The following HSD17B4 variants were observed in gnomAD, a reference collection of about 807,000 sequenced individuals.
The protein encoded by HSD17B4 is hydroxysteroid 17-beta dehydrogenase 4, also known as peroxisomal multifunctional enzyme type 2.
HSD17B4 carries 70 observed loss-of-function variants against 101.0 expected under a neutral mutation model. The observed-to-expected ratio is 0.69, with a 90% CI of 0.57 to 0.85. HSD17B4 has a LOEUF of 0.85. Among genes scored for constraint, HSD17B4 ranks in the 40% least tolerant of loss-of-function variants. The probability of loss-of-function intolerance (pLI) is 0.00; values close to 1 mark genes in which losing one functional copy is unlikely to be tolerated. For synonymous variants in HSD17B4, 347 were observed against 297.1 expected (o/e 1.17, Z -1.73); for missense variants, 984 against 892.4 (o/e 1.10, Z -1.31).
intron 17 of HSD17B4, among the ~76,000 whole-genome samples, chr5:119,519,313 C>T (rs10057263): frequency 0.012 from 1,833 of 152,274 alleles, 16 homozygotes; most frequent in African/African-American, 0.022. Context: ...TCCATAGTTT[C>T]CCCAGATACA....
At chr5:119,488,976 T>C (rs542996937) in intron 8 of HSD17B4, among the ~76,000 whole-genome samples, 1 of 152,182 alleles carries the variant, frequency 6.6e-6, no homozygotes, top group Admixed American at 6.6e-5. Flanking sequence ...GAAAGGTGTG[T>C]CTGATACTTA....
intron 2 of HSD17B4, among the ~76,000 whole-genome samples, chr5:119,459,939 C>T (rs1237475999): frequency 2.0e-5 from 3 of 150,026 alleles, no homozygotes; most frequent in Non-Finnish European, 3.0e-5. Flanking sequence ...GGCGCTATCT[C>T]GGCTCACTGC....
chr5:119,479,462 A>T (rs1748911187), intron 8 of HSD17B4, among the ~76,000 whole-genome samples: 1 of 152,196 alleles, frequency 6.6e-6, no homozygotes, highest in African/African-American at 2.4e-5. Flanking sequence ...TTGATGAACC[A>T]GTATGGAGCC....
At chr5:119,530,818 A>G (rs1754007593) in intron 21 of HSD17B4, among the ~76,000 whole-genome samples, 1 of 131,916 alleles carries the variant, frequency 7.6e-6, no homozygotes, top group Non-Finnish European at 1.6e-5. Context: ...GCACTACTGC[A>G]TTCTAGCCTG....
Position 119,525,399 on chromosome 5 carries a change from GTTATT to G in HSD17B4, c.1573+121_1573+125del, listed in dbSNP as rs1331620535. 12 of 730,416 alleles carry G rather than the reference GTTATT, an allele frequency of 1.6e-5. 1 individual carries two copies. The highest frequency in any genetic ancestry group is 1.5e-4 in the South Asian group (10 of 67,658). The allele number at this position is 730,416 out of a possible 1,614,324, so 45.2% of individuals were successfully genotyped here. A position where few individuals can be genotyped will look rare whatever the true frequency, so the allele number is the denominator to read the frequency against. On this transcript the variant is annotated intron_variant, in intron 18 of 23. Transcript: ENST00000510025. The stretch of plus-strand genomic sequence containing the variant: ...TAGTTTGAGTAGCATTTAAAAAAAT[GTTATT>G]TTATTTATTACATTTATGCAAAGGA...
chr5:119,504,837 A>G (rs1751501949), intron 14 of HSD17B4, among the ~76,000 whole-genome samples: 1 of 152,206 alleles, frequency 6.6e-6, no homozygotes, highest in Non-Finnish European at 1.5e-5. Flanking sequence ...GCTGATGTCC[A>G]GGATGGTATT....
At chr5:119,486,491 A>G (rs945384058) in intron 8 of HSD17B4, among the ~76,000 whole-genome samples, 1 of 152,158 alleles carries the variant, frequency 6.6e-6, no homozygotes, top group Non-Finnish European at 1.5e-5. Flanking sequence ...TTTAATAAAA[A>G]TTGCATGAAT....
chr5:119,458,274 G>A (rs1369821845), intron 2 of HSD17B4, among the ~76,000 whole-genome samples: 2 of 151,986 alleles, frequency 1.3e-5, no homozygotes, highest in African/African-American at 4.8e-5. Context: ...TTTAAAGTCT[G>A]TGTCTTACCT....
intron 2 of HSD17B4, among the ~76,000 whole-genome samples, chr5:119,466,554 A>G (rs910111124): frequency 6.6e-6 from 1 of 151,962 alleles, no homozygotes; most frequent in East Asian, 1.9e-4. Context: ...TCATATGTCT[A>G]TGTCCAGTTT....
intron 9 of HSD17B4, 100 bp downstream of exon 9, chr5:119,489,383 G>T (rs1007778006): frequency 1.5e-4 from 122 of 794,540 alleles, no homozygotes; most frequent in Non-Finnish European, 4.2e-5. Flanking sequence ...TTTAAATATT[G>T]TGTCTATGTT....
chr5:119,453,177 G>C (rs981244664), intron 1 of HSD17B4, among the ~76,000 whole-genome samples: 2 of 152,196 alleles, frequency 1.3e-5, no homozygotes, highest in Admixed American at 1.3e-4. Context: ...TTCCCCGTTG[G>C]AGTTTGTATG....
At chr5:119,460,510 A>G (rs1340428284) in intron 2 of HSD17B4, among the ~76,000 whole-genome samples, 2 of 152,208 alleles carry the variant, frequency 1.3e-5, no homozygotes, top group South Asian at 2.1e-4. Context: ...GCTCTTAGCT[A>G]TTTGTCATTT....
At chr5:119,484,510 C>T (rs1749434617) in intron 8 of HSD17B4, among the ~76,000 whole-genome samples, 1 of 152,058 alleles carries the variant, frequency 6.6e-6, no homozygotes, top group African/African-American at 2.4e-5. Flanking sequence ...TTTACTTATG[C>T]AATATATATA....
At position 119,527,231 on chromosome 5, in the gene HSD17B4, G is replaced by T; in HGVS notation, c.1767+12G>T. ...ATTTTCAAACCAAGGTATGAATTTT[G>T]CTTTTTCACCCTTCTCACATGCTTT... On this transcript the variant is annotated intron_variant, in intron 20 of 23. Transcript: ENST00000510025. The T allele has an allele frequency of 1.3e-6, 2 of 1,486,652 alleles. No individual in the cohort carries two copies. The highest frequency in any genetic ancestry group is 9.4e-7 in the Non-Finnish European group (1 of 1,064,954). The allele number at this position is 1,486,652 out of a possible 1,614,324, so 92.1% of individuals were successfully genotyped here. A position where few individuals can be genotyped will look rare whatever the true frequency, so the allele number is the denominator to read the frequency against.
At chr5:119,468,384 G>T (rs1187228127) in intron 2 of HSD17B4, among the ~76,000 whole-genome samples, 1 of 150,710 alleles carries the variant, frequency 6.6e-6, no homozygotes, top group East Asian at 1.9e-4. Context: ...TGCTGGAGTA[G>T]TGTTCTTGGC....
intron 9 of HSD17B4, among the ~76,000 whole-genome samples, chr5:119,490,092 G>A (rs891854446): frequency 4.0e-5 from 6 of 151,780 alleles, no homozygotes; most frequent in Admixed American, 1.3e-4. Flanking sequence ...TTGTAAACCT[G>A]GCTCAATTTA....
intron 15 of HSD17B4, among the ~76,000 whole-genome samples, chr5:119,508,344 A>G (rs188319773): frequency 2.2e-4 from 33 of 152,338 alleles, no homozygotes; most frequent in South Asian, 1.0e-3. Flanking sequence ...GAATTTGTAG[A>G]CAAAGTGAAA....
At chr5:119,473,299 T>TTTTTTTTTTCC (rs1748196275) in intron 2 of HSD17B4, among the ~76,000 whole-genome samples, 1 of 123,344 alleles carries the variant, frequency 8.1e-6, no homozygotes, top group African/African-American at 2.9e-5. Flanking sequence ...TTTTTTTTAC[T>TTTTTTTTTTCC]TTTCTTCCCT....
intron 14 of HSD17B4, among the ~76,000 whole-genome samples, chr5:119,505,191 GT>G (rs80250743): frequency 0.56 from 82,142 of 146,870 alleles, 22,651 homozygotes; most frequent in African/African-American, 0.6. Flanking sequence ...TTCCAGCTTT[GT>G]TTTTTTTTTT....
Sources: gnomAD v4.1 joint callset for allele counts (sites outside exome capture counted in the v4.1 genomes callset) on GRCh38, gnomAD v4.1.1 for gene constraint, MANE v1.5 for transcripts, NCBI Gene and HGNC (gene_info 2026-07-23, HGNC 2026-07-21) for gene names.